Variants in CHST8 observed in about 807,000 individuals in gnomAD.
The protein encoded by CHST8 is GALNAC-4-ST1.
A neutral mutation model predicts 15.0 loss-of-function variants in CHST8; 10 were observed. That is an observed-to-expected ratio of 0.67 (90% CI 0.41 to 1.13). The LOEUF is 1.13. CHST8 is among the 50% of genes most tolerant of loss of function. CHST8 has a pLI of 0.00. For missense variants in CHST8, 634 were observed against 608.2 expected (o/e 1.04, Z -0.45); for synonymous variants, 259 against 256.6 (o/e 1.01, Z -0.09).
chr19:33,767,297 C>T (rs1024485441), intron 3 of CHST8, among the ~76,000 whole-genome samples: 2 of 152,204 alleles, frequency 1.3e-5, no homozygotes, highest in African/African-American at 4.8e-5. Context: ...GGGATTGGGG[C>T]TTTTGTGTGG....
At chr19:33,757,541 A>AAAGAAATT in intron 3 of CHST8, among the ~76,000 whole-genome samples, 1 of 98,588 alleles carries the variant, frequency 1.0e-5, no homozygotes, top group East Asian at 2.7e-4. Context: ...AGAAAGAAAG[A>AAAGAAATT]AAGAAAGAAA....
At chr19:33,629,067 C>T (rs1037625203) in intron 1 of CHST8, among the ~76,000 whole-genome samples, 1 of 152,204 alleles carries the variant, frequency 6.6e-6, no homozygotes, top group East Asian at 1.9e-4. Context: ...CGGCAAGTGA[C>T]AGCCCAGTGC....
rs1973173005 is a variant in CHST8, at chr19:33,694,539, T to C, written c.130+5148T>C. Among the ~76,000 whole-genome samples, 4 of 152,024 alleles carry C rather than the reference T, an allele frequency of 2.6e-5. No individual in the cohort carries two copies. The South Asian group carries it at 8.3e-4, about 32-fold the overall frequency. ...GGAAATTTAACGATGAAGATAATAA[T>C]GAATATTGACTGAACATTTACCATG... On this transcript the variant is annotated intron_variant, in intron 3 of 4. Transcript: ENST00000650847.
chr19:33,758,149 A>G (rs561591565), intron 3 of CHST8, among the ~76,000 whole-genome samples: 39 of 151,612 alleles, frequency 2.6e-4, no homozygotes, highest in African/African-American at 9.4e-4. Flanking sequence ...GGGGGGGCAC[A>G]CAGGATGACC....
At chr19:33,709,998 T>G (rs755613030) in intron 3 of CHST8, among the ~76,000 whole-genome samples, 1 of 152,198 alleles carries the variant, frequency 6.6e-6, no homozygotes, top group Non-Finnish European at 1.5e-5. Context: ...TTTAAATTTC[T>G]AGCTCAATGT....
chr19:33,680,760 T>C (rs1456737185), intron 2 of CHST8, among the ~76,000 whole-genome samples: 1 of 152,244 alleles, frequency 6.6e-6, no homozygotes, highest in African/African-American at 2.4e-5. Context: ...ATGTTTCTTA[T>C]ACAACAGGGG....
intron 3 of CHST8, among the ~76,000 whole-genome samples, chr19:33,762,356 C>T (rs995947998): frequency 7.9e-5 from 12 of 152,182 alleles, no homozygotes; most frequent in African/African-American, 1.9e-4. Flanking sequence ...ACCAGCTGAC[C>T]GGCTGACTGA....
At chr19:33,659,741 G>A (rs917492292) in intron 1 of CHST8, among the ~76,000 whole-genome samples, 31 of 152,084 alleles carry the variant, frequency 2.0e-4, no homozygotes, top group African/African-American at 7.5e-4. Context: ...GCCCAGGGAG[G>A]TGGAGGCTGC....
intron 3 of CHST8, among the ~76,000 whole-genome samples, chr19:33,689,858 G>A (rs1973064288): frequency 6.6e-6 from 1 of 152,008 alleles, no homozygotes; most frequent in South Asian, 2.1e-4. Flanking sequence ...CTGGTTTAGT[G>A]AGGCCAAGAC....
At chr19:33,674,249 G>T (rs1228795623) in intron 2 of CHST8, among the ~76,000 whole-genome samples, 1 of 152,196 alleles carries the variant, frequency 6.6e-6, no homozygotes, top group Non-Finnish European at 1.5e-5. Flanking sequence ...CTGCTGGCCT[G>T]TGAAGGGGCC....
chr19:33,757,057 C>G (rs1470344045), intron 3 of CHST8, among the ~76,000 whole-genome samples: 1 of 152,138 alleles, frequency 6.6e-6, no homozygotes, highest in African/African-American at 2.4e-5. Context: ...CCTGTGGGGG[C>G]TCCTGCTGCT....
At chr19:33,686,908 A>G (rs2145253173) in intron 2 of CHST8, among the ~76,000 whole-genome samples, 1 of 152,324 alleles carries the variant, frequency 6.6e-6, no homozygotes, top group East Asian at 1.9e-4. Flanking sequence ...GGTGCGGTGC[A>G]CATGTGAACA....
intron 3 of CHST8, among the ~76,000 whole-genome samples, chr19:33,732,217 T>G (rs1176362355): frequency 6.6e-6 from 1 of 152,212 alleles, no homozygotes; most frequent in Admixed American, 6.5e-5. Context: ...GAGATCCTCT[T>G]GTCTGGTCCT....
intron 1 of CHST8, among the ~76,000 whole-genome samples, chr19:33,646,077 G>T (rs1287783942): frequency 6.6e-6 from 1 of 152,118 alleles, no homozygotes; most frequent in East Asian, 1.9e-4. Flanking sequence ...GCAGTGAACT[G>T]AGATGGCATC....
At chr19:33,730,217 C>T (rs527365423) in intron 3 of CHST8, among the ~76,000 whole-genome samples, 5 of 152,264 alleles carry the variant, frequency 3.3e-5, no homozygotes, top group East Asian at 1.9e-4. Context: ...TTGCCAATTC[C>T]GTGGGGACAG....
At chr19:33,766,144 C>CT (rs753487173) in intron 3 of CHST8, among the ~76,000 whole-genome samples, 83 of 151,992 alleles carry the variant, frequency 5.5e-4, no homozygotes, top group African/African-American at 9.4e-4. Context: ...TCCTCTCTCT[C>CT]TCTTCTTCTT....
At chr19:33,659,922 C>T (rs1195885145) in intron 1 of CHST8, among the ~76,000 whole-genome samples, 4 of 152,232 alleles carry the variant, frequency 2.6e-5, no homozygotes, top group Admixed American at 6.5e-5. Context: ...TGTTGTGAGA[C>T]GTACAGGTTT....
At chr19:33,648,972 C>G (rs184747736) in intron 1 of CHST8, among the ~76,000 whole-genome samples, 1 of 128,558 alleles carries the variant, frequency 7.8e-6, no homozygotes, top group African/African-American at 3.0e-5. Flanking sequence ...GGGGCGATCT[C>G]GGCTCACTGC....
chr19:33,704,041 C>T (rs1445129998), intron 3 of CHST8, among the ~76,000 whole-genome samples: 1 of 152,138 alleles, frequency 6.6e-6, no homozygotes, highest in Non-Finnish European at 1.5e-5. Flanking sequence ...TGTCATCTTG[C>T]CCTCAGGCCT....
Sources: allele counts gnomAD v4.1 joint callset (sites outside exome capture counted in the v4.1 genomes callset), GRCh38; gene constraint gnomAD v4.1.1; transcripts MANE v1.5; gene names NCBI Gene and HGNC (gene_info 2026-07-23, HGNC 2026-07-21).